Variants in PGM1 observed in about 807,000 individuals in gnomAD.
PGM1 encodes the protein phosphoglucomutase-1.
PGM1 carries 52 observed loss-of-function variants against 55.6 expected under a neutral mutation model. The observed-to-expected ratio is 0.94, with a 90% CI of 0.75 to 1.18. The LOEUF (loss-of-function observed/expected upper bound fraction) is 1.18. Among genes scored for constraint, PGM1 ranks in the 50% most tolerant of loss-of-function variants. The probability of loss-of-function intolerance (pLI) is 0.00; values close to 1 mark genes in which losing one functional copy is unlikely to be tolerated. For synonymous variants in PGM1, 287 were observed against 271.7 expected (o/e 1.06, Z -0.55); for missense variants, 724 against 729.3 (o/e 0.99, Z 0.08).
At chr1:63,648,758 G>A (rs11576729) in intron 8 of PGM1, 106 bp downstream of exon 8, 10 of 1,210,890 alleles carry the variant, frequency 8.3e-6, no homozygotes, top group Non-Finnish European at 1.2e-5. Context: ...AAAACCCTAG[G>A]TCATCCAGCC....
In PGM1 at chr1:63,648,644, C is replaced by G; in HGVS notation, c.1272C>G (p.Phe424Leu). ...KDHWQKYGRN[F>L]FTRYDYEEVE... The stretch of plus-strand genomic sequence containing the variant: ...ATTGGCAAAAGTATGGCCGGAATTT[C>G]TTCACCAGGTGAGCCACAGCCCAGC... Residue 424 changes from phenylalanine (F) to leucine (L), a missense_variant, in exon 8 of 11, where the codon TTC becomes TTG. Phe to Leu is a conservative substitution (Grantham distance 22). Coordinates refer to ENST00000371084, the MANE Select transcript of PGM1 (RefSeq NM_002633.3). 1 of 1,613,982 alleles carries G rather than the reference C, an allele frequency of 6.2e-7. No individual in the cohort carries two copies. Among genetic ancestry groups the G allele is most frequent in the Non-Finnish European group, 8.5e-7 (1 of 1,179,998 alleles).
chr1:63,654,482 G>C lies in PGM1; in HGVS notation c.1599+16G>C. Reference sequence around the variant, plus strand: ...GGACCCCCAGGTAACGCCCAGCCCTGTGCCCTGGTTAGTTCTTTCTGTTCA... The same window carrying C: ...GGACCCCCAGGTAACGCCCAGCCCTCTGCCCTGGTTAGTTCTTTCTGTTCA... On this transcript the variant is annotated intron_variant, in intron 10 of 10. Coordinates refer to ENST00000371084, the MANE Select transcript of PGM1 (RefSeq NM_002633.3). 6.2e-7 allele frequency: 1 copy of C among 1,613,554 alleles called. No individual in the cohort carries two copies.
chr1:63,620,227 A>G (rs1382357506), intron 1 of PGM1, among the ~76,000 whole-genome samples: 1 of 152,146 alleles, frequency 6.6e-6, no homozygotes, highest in Non-Finnish European at 1.5e-5. Context: ...CCTTCCCGTT[A>G]GAATGTAGTG....
At chr1:63,616,303 C>G in intron 1 of PGM1, among the ~76,000 whole-genome samples, 1 of 152,274 alleles carries the variant, frequency 6.6e-6, no homozygotes. Context: ...ACAGGAGACT[C>G]CTTCACACGT....
chr1:63,644,532 T>A (rs1649601332), intron 7 of PGM1, among the ~76,000 whole-genome samples: 1 of 152,192 alleles, frequency 6.6e-6, no homozygotes, highest in African/African-American at 2.4e-5. Context: ...ATATGTACAA[T>A]CAAGGAGCAT....
intron 1 of PGM1, chr1:63,623,871 A>G (rs867010636): frequency 3.4e-5 from 23 of 683,886 alleles, no homozygotes; most frequent in Middle Eastern, 8.1e-4. Context: ...CAATTCTACT[A>G]ACATCCAGCT....
chr1:63,609,469 A>T (rs754294706), intron 1 of PGM1, among the ~76,000 whole-genome samples: 2 of 152,196 alleles, frequency 1.3e-5, no homozygotes, highest in Non-Finnish European at 2.9e-5. Flanking sequence ...TAGGGTGCTC[A>T]TGCTGGTGGG....
At chr1:63,638,247 A>G (rs1649413672) in intron 6 of PGM1, among the ~76,000 whole-genome samples, 1 of 152,206 alleles carries the variant, frequency 6.6e-6, no homozygotes, top group African/African-American at 2.4e-5. Flanking sequence ...ATCACATAAC[A>G]TTCTGGGCCC....
intron 1 of PGM1, among the ~76,000 whole-genome samples, chr1:63,626,141 A>G (rs752762745): frequency 6.6e-6 from 1 of 152,140 alleles, no homozygotes; most frequent in Non-Finnish European, 1.5e-5. Context: ...AGGGGAGGCC[A>G]TTTGAGGATG....
intron 1 of PGM1, among the ~76,000 whole-genome samples, chr1:63,613,854 G>A (rs1024082120): frequency 1.3e-5 from 2 of 151,926 alleles, no homozygotes; most frequent in Non-Finnish European, 2.9e-5. Context: ...GAGTCACTTG[G>A]GATCTATTTC....
At chr1:63,631,889 GTTT>G (rs1287887341) in intron 4 of PGM1, 107 bp downstream of exon 4, 3 of 1,107,598 alleles carry the variant, frequency 2.7e-6, no homozygotes, top group Non-Finnish European at 4.1e-6. Context: ...CTCTCTGATG[GTTT>G]TTAAATAGAG....
intron 1 of PGM1, among the ~76,000 whole-genome samples, chr1:63,612,084 C>T (rs903505521): frequency 1.3e-5 from 2 of 151,818 alleles, no homozygotes; most frequent in Admixed American, 1.3e-4. Flanking sequence ...TGGTGAAGCC[C>T]CATCTCTACT....
At chr1:63,605,183 G>T (rs1433028326) in intron 1 of PGM1, among the ~76,000 whole-genome samples, 1 of 152,100 alleles carries the variant, frequency 6.6e-6, no homozygotes, top group Admixed American at 6.5e-5. Flanking sequence ...GGCCCTAAAA[G>T]TCCTTTTGGG....
At chr1:63,594,932 G>T (rs934350834) in intron 1 of PGM1, among the ~76,000 whole-genome samples, 19 of 144,362 alleles carry the variant, frequency 1.3e-4, no homozygotes, top group Non-Finnish European at 2.5e-4. Context: ...CTGCACTCTA[G>T]CCTCGGCGAC....
intron 7 of PGM1, among the ~76,000 whole-genome samples, chr1:63,645,245 T>A (rs1649618592): frequency 1.3e-5 from 2 of 152,238 alleles, no homozygotes; most frequent in South Asian, 4.1e-4. Flanking sequence ...CCAAGTAACT[T>A]GGCCAGAGTT....
At chr1:63,635,081 A>G in intron 5 of PGM1, 62 bp downstream of exon 5, 4 of 1,428,182 alleles carry the variant, frequency 2.8e-6, no homozygotes, top group Non-Finnish European at 3.0e-6. Context: ...GCAGATGGGG[A>G]AAAAAGTGGG....
chr1:63,610,894 G>C (rs531259844), intron 1 of PGM1, among the ~76,000 whole-genome samples: 2 of 152,260 alleles, frequency 1.3e-5, no homozygotes, highest in South Asian at 4.2e-4. Context: ...TTGATCCTGA[G>C]TAGCTTAAGT....
intron 3 of PGM1, among the ~76,000 whole-genome samples, chr1:63,631,425 C>CT (rs1401223799): frequency 6.6e-6 from 1 of 152,136 alleles, no homozygotes; most frequent in Non-Finnish European, 1.5e-5. Flanking sequence ...GTTTCCTCAT[C>CT]TATCAAATAG....
At chr1:63,636,118 A>G (rs1649354571) in intron 5 of PGM1, 116 bp from the exon 6 acceptor site, 6 of 991,932 alleles carry the variant, frequency 6.0e-6, no homozygotes, top group Non-Finnish European at 9.4e-6. Flanking sequence ...GCAGTATGGA[A>G]AGGAGATCAA....
Sources: allele counts gnomAD v4.1 joint callset (sites outside exome capture counted in the v4.1 genomes callset), GRCh38; gene constraint gnomAD v4.1.1; transcripts MANE v1.5; gene names NCBI Gene and HGNC (gene_info 2026-07-23, HGNC 2026-07-21).